The following EIF4G3 variants were observed in gnomAD, a reference collection of about 807,000 sequenced individuals.
The protein encoded by EIF4G3 is eukaryotic translation initiation factor 4 gamma 3, also known as eIF-4-gamma 3.
Under a neutral mutation model 186.4 loss-of-function variants are expected in EIF4G3, and 34 were observed. The ratio of observed to expected loss-of-function variants is 0.18; its 90% confidence interval spans 0.14 to 0.24. EIF4G3 has a LOEUF of 0.24. Ranked by LOEUF, EIF4G3 falls within the 10% of genes least tolerant of loss-of-function variation. The pLI is 1.00. For missense variants in EIF4G3, 1,536 were observed against 1,948.5 expected, an observed-to-expected ratio of 0.79 and a Z score of 3.99; for synonymous variants, 673 against 679.5, an observed-to-expected ratio of 0.99 and a Z score of 0.15.
intron 3 of EIF4G3, among the ~76,000 whole-genome samples, chr1:21,083,109 T>G (rs1018049225): frequency 2.0e-5 from 3 of 147,530 alleles, no homozygotes; most frequent in African/African-American, 7.6e-5. Flanking sequence ...GGCTTGTGCC[T>G]GTAATCCTAG....
intron 12 of EIF4G3, among the ~76,000 whole-genome samples, chr1:20,963,614 A>G (rs2073948014): frequency 6.6e-6 from 1 of 152,156 alleles, no homozygotes; most frequent in South Asian, 2.1e-4. Context: ...CAGGGGGGAA[A>G]AAGAGTATAT....
intron 34 of EIF4G3, 35 bp from the exon 35 acceptor site, chr1:20,813,274 C>G: frequency 2.6e-6 from 4 of 1,525,378 alleles, no homozygotes; most frequent in East Asian, 4.5e-5. Context: ...ATTAAAGATA[C>G]CTTGCTCAGC....
chr1:21,124,758 C>T (rs768965810), intron 2 of EIF4G3, among the ~76,000 whole-genome samples: 2 of 152,112 alleles, frequency 1.3e-5, no homozygotes, highest in Non-Finnish European at 2.9e-5. Flanking sequence ...TTAAATAATA[C>T]AATTTTTTCA....
chr1:21,028,353 G>GT (rs1341326296), intron 4 of EIF4G3, among the ~76,000 whole-genome samples: 3 of 150,326 alleles, frequency 2.0e-5, no homozygotes, highest in Non-Finnish European at 4.4e-5. Flanking sequence ...AGATAATAAA[G>GT]TAAGTTGCCC....
chr1:20,819,129 T>C (rs2061702895), intron 33 of EIF4G3, among the ~76,000 whole-genome samples: 1 of 152,088 alleles, frequency 6.6e-6, no homozygotes, highest in Non-Finnish European at 1.5e-5. Context: ...TGGTTAACTA[T>C]ACATCCAATC....
At chr1:21,073,285 CAGCCTCTAGAAG>C (rs1329548047) in intron 3 of EIF4G3, among the ~76,000 whole-genome samples, 1 of 152,200 alleles carries the variant, frequency 6.6e-6, no homozygotes, top group African/African-American at 2.4e-5. Context: ...TAGATTTTGT[CAGCCTCTAGAAG>C]GGCATTTTCA....
rs867879304 is a variant in EIF4G3, at chr1:21,171,446, T to C, written c.-272+4729A>G. ...CTATCTCACAACTAACTATACAGTC[T>C]TCACCACTGAAGTTAGAGAGGTGCT... is the stretch of plus-strand genomic sequence containing the variant. On this transcript the variant is annotated intron_variant, in intron 2 of 36. Coordinates refer to ENST00000602326, the MANE Select transcript of EIF4G3 (RefSeq NM_001391906.1). Among the ~76,000 whole-genome samples, 4 of 152,086 alleles carry C rather than the reference T, an allele frequency of 2.6e-5. No homozygotes were observed. In the South Asian group the frequency reaches 8.3e-4, roughly 32 times the overall value.
At position 21,128,337 on chromosome 1, in the gene EIF4G3, C is replaced by T. The variant is rs990770770; in HGVS notation, c.-271-39124G>A. On this transcript the variant is annotated intron_variant, in intron 2 of 36. Transcript: ENST00000602326. Reference sequence around the variant, plus strand: ...CAGCCTGGCAAACATGGTGAAACCCCGTCTCTAAAAAATAATACAAGAATT... The same window carrying T: ...CAGCCTGGCAAACATGGTGAAACCCTGTCTCTAAAAAATAATACAAGAATT... Among the ~76,000 whole-genome samples the T allele has an allele frequency of 1.1e-4, 17 of 151,750 alleles. No homozygotes were observed. The East Asian group carries it at 2.9e-3, about 26-fold the overall frequency.
At chr1:20,833,264 G>A (rs1355718991) in intron 30 of EIF4G3, among the ~76,000 whole-genome samples, 1 of 150,990 alleles carries the variant, frequency 6.6e-6, no homozygotes, top group Non-Finnish European at 1.5e-5. Context: ...TCTTCCATTT[G>A]TTTGTATCCT....
At chr1:20,840,546 A>C (rs1219327339) in intron 30 of EIF4G3, among the ~76,000 whole-genome samples, 3 of 152,168 alleles carry the variant, frequency 2.0e-5, no homozygotes, top group African/African-American at 4.8e-5. Context: ...ATCACATGTA[A>C]ATGGGCTGCT....
intron 28 of EIF4G3, among the ~76,000 whole-genome samples, chr1:20,850,129 T>A (rs975067542): frequency 6.6e-6 from 1 of 152,178 alleles, no homozygotes; most frequent in African/African-American, 2.4e-5. Flanking sequence ...AGCACCTTTC[T>A]CAGTTTGTGT....
At chr1:21,082,041 C>T (rs185610628) in intron 3 of EIF4G3, among the ~76,000 whole-genome samples, 43 of 151,660 alleles carry the variant, frequency 2.8e-4, no homozygotes, top group Non-Finnish European at 4.9e-4. Context: ...AATCTTCCCA[C>T]CACCTTGGCC....
intron 2 of EIF4G3, among the ~76,000 whole-genome samples, chr1:21,124,187 A>G (rs2096981153): frequency 6.6e-6 from 1 of 151,998 alleles, no homozygotes; most frequent in African/African-American, 2.4e-5. Flanking sequence ...GCTACTTGGG[A>G]GGCAGAGGCA....
At chr1:21,117,125 C>A (rs2096838648) in intron 2 of EIF4G3, among the ~76,000 whole-genome samples, 1 of 152,030 alleles carries the variant, frequency 6.6e-6, no homozygotes, top group Admixed American at 6.6e-5. Flanking sequence ...AGGTGAAGGA[C>A]AAAGACAATA....
chr1:20,842,173 A>G (rs1323665494), intron 29 of EIF4G3, among the ~76,000 whole-genome samples: 1 of 152,230 alleles, frequency 6.6e-6, no homozygotes, highest in East Asian at 1.9e-4. Flanking sequence ...TATTTGATAT[A>G]TAGTACATAT....
Position 20,938,110 on chromosome 1 carries a change from C to A in EIF4G3, c.1663+3381G>T, listed in dbSNP as rs184575324. On this transcript the variant is annotated intron_variant, in intron 14 of 36. Transcript: ENST00000602326. ...CTCCCAAGTTCAAGCAATTCTCCCA[C>A]CTCAGCCTCCAGAATAGCTGGGATT... is the stretch of plus-strand genomic sequence containing the variant. Among the ~76,000 whole-genome samples the A allele has an allele frequency of 2.0e-5, 3 of 152,154 alleles. 1 individual carries two copies. Among genetic ancestry groups the A allele is most frequent in the Admixed American group, 2.0e-4 (3 of 15,282 alleles).
intron 19 of EIF4G3, among the ~76,000 whole-genome samples, chr1:20,884,057 A>C (rs2154554685): frequency 6.6e-6 from 1 of 152,336 alleles, no homozygotes; most frequent in African/African-American, 2.4e-5. Flanking sequence ...GGTCGTTCAC[A>C]ATGCTGATTT....
In EIF4G3 at chr1:20,984,410, C is replaced by T. The variant is rs538440806; in HGVS notation, c.178-2002G>A. On this transcript the variant is annotated intron_variant, in intron 7 of 36. Coordinates refer to ENST00000602326, the MANE Select transcript of EIF4G3 (RefSeq NM_001391906.1). Reference sequence around the variant, plus strand: ...CGAATACCTGACCTTGGGATCCGCCCACCTTGGCCTCCCCCAAAGTGCTGG... The same window carrying T: ...CGAATACCTGACCTTGGGATCCGCCTACCTTGGCCTCCCCCAAAGTGCTGG... Among the ~76,000 whole-genome samples, 503 of 152,070 alleles carry T rather than the reference C, an allele frequency of 3.3e-3. 2 individuals carry two copies. Among genetic ancestry groups the T allele is most frequent in the Non-Finnish European group, 5.8e-3 (396 of 68,000 alleles).
intron 18 of EIF4G3, among the ~76,000 whole-genome samples, chr1:20,889,060 T>C (rs375638901): frequency 6.6e-6 from 1 of 152,228 alleles, no homozygotes; most frequent in African/African-American, 2.4e-5. Context: ...TGGGGTTGAT[T>C]AGTGAGCCAT....
Sources: gnomAD v4.1 joint callset for allele counts (sites outside exome capture counted in the v4.1 genomes callset) on GRCh38, gnomAD v4.1.1 for gene constraint, MANE v1.5 for transcripts, NCBI Gene and HGNC (gene_info 2026-07-23, HGNC 2026-07-21) for gene names.